The following HIVEP3 variants were observed in gnomAD, a reference collection of about 807,000 sequenced individuals.
HIVEP3 encodes HIVEP zinc finger 3.
A neutral mutation model predicts 152.8 loss-of-function variants in HIVEP3; 49 were observed. The ratio of observed to expected loss-of-function variants is 0.32; its 90% CI spans 0.26 to 0.41. The LOEUF (loss-of-function observed/expected upper bound fraction) is 0.41, where lower values mean the gene tolerates loss of function less well. Among genes scored for constraint, HIVEP3 ranks in the 10% least tolerant of loss-of-function variants. The pLI, the probability that HIVEP3 is intolerant of heterozygous loss-of-function variation, is 1.00. For missense variants in HIVEP3, 2,790 were observed against 3,103.3 expected (o/e 0.90, Z 2.40); for synonymous variants, 1,269 against 1,289.0 (o/e 0.98, Z 0.33).
At chr1:41,851,260 GAATGA>G (rs1450624464) in intron 1 of HIVEP3, among the ~76,000 whole-genome samples, 2 of 138,924 alleles carry the variant, frequency 1.4e-5, no homozygotes, top group African/African-American at 5.2e-5. Flanking sequence ...ATGTACAGAA[GAATGA>G]TGAGAGAGCA....
In HIVEP3 at chr1:41,628,958, T is replaced by C; in HGVS notation, c.-720-11A>G. The C allele has an allele frequency of 1.6e-6, 2 of 1,230,040 alleles. No individual in the cohort carries two copies. Among genetic ancestry groups the C allele is most frequent in the Non-Finnish European group, 2.0e-6 (2 of 987,206 alleles). The allele number at this position is 1,230,040 out of a possible 1,614,324, so 76.2% of individuals were successfully genotyped here. ...TTTGTGCCTCGAATCCTGCAGGAGA[T>C]GATTGAGAAACATGGTCAAAGAACT... On this transcript the variant is annotated splice_polypyrimidine_tract_variant and intron_variant, in intron 2 of 8. Transcript: ENST00000372583.
At chr1:41,982,970 G>C (rs187268943) in intron 1 of HIVEP3, among the ~76,000 whole-genome samples, 1 of 152,258 alleles carries the variant, frequency 6.6e-6, no homozygotes, top group Non-Finnish European at 1.5e-5. Flanking sequence ...CGGTAGCAGG[G>C]GAACGGTTTC....
chr1:41,848,269 A>G (rs914729753), intron 1 of HIVEP3: 1 of 152,002 alleles, frequency 6.6e-6, no homozygotes, highest in Non-Finnish European at 1.5e-5. Flanking sequence ...AAATTCAACC[A>G]TTTTCTCAGG....
intron 5 of HIVEP3, among the ~76,000 whole-genome samples, chr1:41,557,451 C>T (rs1643984337): frequency 1.3e-5 from 2 of 152,156 alleles, no homozygotes; most frequent in African/African-American, 4.8e-5. Flanking sequence ...GGTGAAAACA[C>T]TGCACTGGGC....
At chr1:41,920,587 T>TG (rs1553134908), upstream of HIVEP3, among the ~76,000 whole-genome samples, 13 of 72,622 alleles carry the variant, frequency 1.8e-4, no homozygotes, top group African/African-American at 3.8e-4. Flanking sequence ...GTTTTTTTTT[T>TG]TTTGTTTTGT....
intron 1 of HIVEP3, among the ~76,000 whole-genome samples, chr1:41,978,715 G>GCACT (rs1225803275): frequency 6.6e-6 from 1 of 152,128 alleles, no homozygotes; most frequent in African/African-American, 2.4e-5. Flanking sequence ...CACTCTTCTG[G>GCACT]GTACTAAGAA....
At chr1:41,531,855 G>GGGAGATGGAAGACA (rs1558035302) in intron 5 of HIVEP3, among the ~76,000 whole-genome samples, 3 of 96,134 alleles carry the variant, frequency 3.1e-5, no homozygotes, top group Non-Finnish European at 6.5e-5. Flanking sequence ...GATGGAAGAC[G>GGGAGATGGAAGACA]GGAGATGGAG....
At chr1:41,967,519 C>G (rs776444964) in intron 1 of HIVEP3, among the ~76,000 whole-genome samples, 1 of 152,140 alleles carries the variant, frequency 6.6e-6, no homozygotes, top group Non-Finnish European at 1.5e-5. Flanking sequence ...AGACAATGTA[C>G]CAGAATCTCT....
At chr1:41,715,587 G>C (rs1275332205) in intron 1 of HIVEP3, among the ~76,000 whole-genome samples, 2 of 152,228 alleles carry the variant, frequency 1.3e-5, no homozygotes, top group African/African-American at 4.8e-5. Flanking sequence ...CCAAGGATTA[G>C]AAAGAGGCCT....
intron 1 of HIVEP3, among the ~76,000 whole-genome samples, chr1:41,965,467 A>T (rs1226224749): frequency 6.6e-6 from 1 of 152,224 alleles, no homozygotes; most frequent in Non-Finnish European, 1.5e-5. Context: ...CAAGGCAAAG[A>T]AGCTAAGAAG....
At chr1:42,030,726 T>C (rs558631985) in intron 1 of HIVEP3, among the ~76,000 whole-genome samples, 26 of 152,316 alleles carry the variant, frequency 1.7e-4, no homozygotes, top group Admixed American at 1.4e-3. Flanking sequence ...GCCTCTCCTA[T>C]TAGGCAGGCA....
chr1:41,971,170 G>T (rs1645226589), intron 1 of HIVEP3, among the ~76,000 whole-genome samples: 1 of 152,180 alleles, frequency 6.6e-6, no homozygotes, highest in Non-Finnish European at 1.5e-5. Flanking sequence ...AGGGTATTCT[G>T]TGTTGTGCCT....
chr1:41,762,669 C>T (rs1021904792), intron 1 of HIVEP3, among the ~76,000 whole-genome samples: 8 of 152,314 alleles, frequency 5.3e-5, no homozygotes, highest in South Asian at 2.1e-4. Context: ...AGCAGCTAGC[C>T]GGACCCCACA....
chr1:41,980,506 A>T (rs528436855), intron 1 of HIVEP3, among the ~76,000 whole-genome samples: 1 of 152,346 alleles, frequency 6.6e-6, no homozygotes, highest in African/African-American at 2.4e-5. Context: ...GCAGATCTAT[A>T]GCGACAGAAA....
intron 2 of HIVEP3, among the ~76,000 whole-genome samples, chr1:41,663,166 G>T (rs1474614300): frequency 6.6e-6 from 1 of 152,256 alleles, no homozygotes; most frequent in Admixed American, 6.5e-5. Flanking sequence ...CCAGGACCCT[G>T]AGATCTCTCT....
intron 1 of HIVEP3, among the ~76,000 whole-genome samples, chr1:41,836,598 A>C (rs1643130832): frequency 6.6e-6 from 1 of 152,238 alleles, no homozygotes; most frequent in Non-Finnish European, 1.5e-5. Context: ...GAAACTGGTC[A>C]TGTGGATTCC....
intron 2 of HIVEP3, among the ~76,000 whole-genome samples, chr1:41,673,002 G>A (rs143984051): frequency 0.015 from 2,241 of 152,372 alleles, 27 homozygotes; most frequent in Non-Finnish European, 0.019. Flanking sequence ...ATATACACAT[G>A]TATAAAATAT....
At chr1:41,914,683 G>GA (rs1236232358) in intron 1 of HIVEP3, among the ~76,000 whole-genome samples, 2 of 152,142 alleles carry the variant, frequency 1.3e-5, no homozygotes, top group Non-Finnish European at 2.9e-5. Context: ...TGTCTGAACT[G>GA]AAAAAACACC....
intron 1 of HIVEP3, among the ~76,000 whole-genome samples, chr1:42,027,944 C>T (rs1645591870): frequency 6.6e-6 from 1 of 152,138 alleles, no homozygotes; most frequent in African/African-American, 2.4e-5. Flanking sequence ...AGATACAATT[C>T]AAGTTGAGAT....
Sources: allele counts gnomAD v4.1 joint callset (sites outside exome capture counted in the v4.1 genomes callset), GRCh38; gene constraint gnomAD v4.1.1; transcripts MANE v1.5; gene names NCBI Gene and HGNC (gene_info 2026-07-23, HGNC 2026-07-21).